Variants in SNX13 observed in about 807,000 individuals in gnomAD.
SNX13 encodes sorting nexin-13.
A neutral mutation model predicts 133.6 loss-of-function variants in SNX13; 45 were observed. The observed-to-expected ratio is 0.34, with a 90% CI of 0.27 to 0.43. SNX13 has a LOEUF of 0.43. Among genes scored for constraint, SNX13 ranks in the 20% least tolerant of loss-of-function variants. SNX13 has a pLI of 1.00. For missense variants in SNX13, 1,032 were observed against 1,145.1 expected (o/e 0.90, Z 1.43); for synonymous variants, 414 against 373.9 (o/e 1.11, Z -1.24).
At chr7:17,805,246 T>TGCGCGCGC (rs1255822051) in intron 20 of SNX13, among the ~76,000 whole-genome samples, 4 of 100,196 alleles carry the variant, frequency 4.0e-5, no homozygotes, top group South Asian at 3.0e-4. Context: ...TGTGTGTGTG[T>TGCGCGCGC]GTGTGCGTGC....
intron 12 of SNX13, among the ~76,000 whole-genome samples, chr7:17,844,986 A>G (rs762184662): frequency 3.3e-5 from 5 of 152,158 alleles, no homozygotes; most frequent in Non-Finnish European, 4.4e-5. Context: ...CAGGAACAAG[A>G]CAAAGATTAA....
At chr7:17,801,473 C>T (rs1401044577) in intron 22 of SNX13, 115 bp downstream of exon 22, 1 of 740,562 alleles carries the variant, frequency 1.4e-6, no homozygotes, top group Non-Finnish European at 2.2e-6. Context: ...ATTCATCAAG[C>T]TTAACACTTA....
chr7:17,924,938 T>C (rs1490015467), intron 1 of SNX13, among the ~76,000 whole-genome samples: 1 of 152,178 alleles, frequency 6.6e-6, no homozygotes, highest in Non-Finnish European at 1.5e-5. Context: ...CCTGGCACAG[T>C]GGCTCACCCC....
intron 20 of SNX13, among the ~76,000 whole-genome samples, chr7:17,808,412 A>T (rs1435917966): frequency 6.6e-6 from 1 of 152,212 alleles, no homozygotes; most frequent in Non-Finnish European, 1.5e-5. Context: ...AGAAAAAAGA[A>T]TGAAAAGAAA....
At chr7:17,927,289 C>A (rs1054884003) in intron 1 of SNX13, among the ~76,000 whole-genome samples, 1 of 151,638 alleles carries the variant, frequency 6.6e-6, no homozygotes, top group African/African-American at 2.4e-5. Context: ...GTTGCCCAGG[C>A]TAGAGTGCAG....
chr7:17,834,992 C>T (rs182128441), intron 13 of SNX13, 127 bp from the exon 14 acceptor site: 16 of 568,160 alleles, frequency 2.8e-5, no homozygotes, highest in Admixed American at 1.3e-4. Context: ...GGTTTGTAAA[C>T]GACACCTTGA....
Position 17,839,903 on chromosome 7 carries a change from T to C in SNX13, c.1263A>G (p.Leu421=). ...VTAQQQLEVL[L]SRQRDGKHQT... is the part of the protein sequence containing the mutation. ...GATGTTTTCCATCTCTCTGACGACT[T>C]AATAAAACTTCTAGCTGCTGTTGGG... is the stretch of plus-strand genomic sequence containing the variant. Residue 421 remains leucine, a synonymous_variant, in exon 13 of 26, where the codon TTA becomes TTG. Transcript: ENST00000428135. 1.9e-6 allele frequency: 3 copies of C among 1,612,076 alleles called. No homozygotes were observed. Among genetic ancestry groups the C allele is most frequent in the Non-Finnish European group, 2.5e-6 (3 of 1,178,736 alleles).
At chr7:17,808,718 A>T (rs569485721) in intron 20 of SNX13, among the ~76,000 whole-genome samples, 1 of 152,314 alleles carries the variant, frequency 6.6e-6, no homozygotes, top group Admixed American at 6.5e-5. Flanking sequence ...AGGTCAGGTT[A>T]CCCACAAAGG....
Position 17,850,447 on chromosome 7 carries a change from G to A in SNX13, c.977-12C>T. The A allele has an allele frequency of 6.8e-7, 1 of 1,469,520 alleles. No individual in the cohort carries two copies. The highest frequency in any genetic ancestry group is 9.2e-7 in the Non-Finnish European group (1 of 1,085,986). The allele number at this position is 1,469,520 out of a possible 1,614,324, so 91.0% of individuals were successfully genotyped here. ...GATAGTGTTGATATCTAAAAGCAAAGAAATCATGAACTAGAAAGTGGTAGT... is the reference window on the plus strand; with the variant it reads ...GATAGTGTTGATATCTAAAAGCAAAAAAATCATGAACTAGAAAGTGGTAGT... On this transcript the variant is annotated splice_polypyrimidine_tract_variant and intron_variant, in intron 10 of 25. Coordinates refer to ENST00000428135, the MANE Select transcript of SNX13 (RefSeq NM_015132.5).
intron 2 of SNX13, among the ~76,000 whole-genome samples, chr7:17,896,060 T>G (rs1286232619): frequency 6.6e-6 from 1 of 152,098 alleles, no homozygotes; most frequent in Non-Finnish European, 1.5e-5. Context: ...GAGGGAGAGG[T>G]GCAACCATGT....
intron 17 of SNX13, 151 bp from the exon 18 acceptor site, chr7:17,821,799 G>T: frequency 2.4e-6 from 2 of 836,990 alleles, no homozygotes; most frequent in Non-Finnish European, 3.5e-6. Context: ...TGAGACAGAA[G>T]GATGTCAGCA....
chr7:17,880,780 G>C (rs1795243026), intron 5 of SNX13: 1 of 152,086 alleles, frequency 6.6e-6, no homozygotes, highest in Admixed American at 6.5e-5. Context: ...TTGTTGACGA[G>C]AACCACACAC....
chr7:17,865,243 G>A (rs1260429186), intron 9 of SNX13, among the ~76,000 whole-genome samples: 2 of 152,152 alleles, frequency 1.3e-5, no homozygotes, highest in Non-Finnish European at 2.9e-5. Flanking sequence ...CATATCTTTA[G>A]TGAGATGACT....
At chr7:17,794,538 A>C (rs1043861011) in intron 25 of SNX13, 2 of 392,338 alleles carry the variant, frequency 5.1e-6, no homozygotes, top group Non-Finnish European at 9.1e-6. Context: ...ATAAAAAATA[A>C]AAAACAGTCT....
At chr7:17,860,238 T>C (rs770763151) in intron 9 of SNX13, among the ~76,000 whole-genome samples, 6 of 152,224 alleles carry the variant, frequency 3.9e-5, no homozygotes, top group African/African-American at 1.4e-4. Flanking sequence ...ATTTCCATAA[T>C]GATTAGGGAT....
intron 1 of SNX13, among the ~76,000 whole-genome samples, chr7:17,922,992 A>C (rs1057336945): frequency 6.6e-6 from 1 of 152,248 alleles, no homozygotes; most frequent in Non-Finnish European, 1.5e-5. Flanking sequence ...TATAAACAAA[A>C]AAATGCATTG....
intron 20 of SNX13, among the ~76,000 whole-genome samples, chr7:17,807,030 C>T (rs1285823746): frequency 6.6e-6 from 1 of 152,118 alleles, no homozygotes; most frequent in Non-Finnish European, 1.5e-5. Flanking sequence ...ACTGGGCGGC[C>T]GTTTGGACAG....
Position 17,798,963 on chromosome 7 carries a change from A to T in SNX13, c.2444+46T>A, listed in dbSNP as rs77644995. ...ATCTACTTCCAGAAGTAAGAGTTTA[A>T]TAGCTAAGTAAGATCAGATTAAAAG... On this transcript the variant is annotated intron_variant, in intron 23 of 25. Transcript: ENST00000428135. 7,144 of 1,569,416 alleles carry T rather than the reference A, an allele frequency of 4.6e-3. 269 individuals carry two copies. In the African/African-American group the frequency reaches 0.088, roughly 19 times the overall value.
rs142309256 is a variant in SNX13 at position 17,916,878 on chromosome 7, C to T, written c.13-19432G>A. Among the ~76,000 whole-genome samples, 899 of 152,142 alleles carry T rather than the reference C, an allele frequency of 5.9e-3. 10 individuals are homozygous for T. Among genetic ancestry groups the T allele is most frequent in the Admixed American group, 0.026 (402 of 15,278 alleles). On this transcript the variant is annotated intron_variant, in intron 1 of 25. Coordinates refer to ENST00000428135, the MANE Select transcript of SNX13 (RefSeq NM_015132.5). The stretch of plus-strand genomic sequence containing the variant: ...ACAGCAAAAAAGGAAAACTATAGGC[C>T]AATATCCCTTATGAACACAGATGCA...
Sources: gnomAD v4.1 joint callset for allele counts (sites outside exome capture counted in the v4.1 genomes callset) on GRCh38, gnomAD v4.1.1 for gene constraint, MANE v1.5 for transcripts, NCBI Gene and HGNC (gene_info 2026-07-23, HGNC 2026-07-21) for gene names.